TENM2: variants seen among roughly 807,000 people sequenced by gnomAD.
TENM2 encodes the protein teneurin transmembrane protein 2, also known as teneurin-2.
A neutral mutation model predicts 245.2 loss-of-function variants in TENM2; 52 were observed. That is an observed-to-expected ratio of 0.21 (90% CI 0.17 to 0.27). The LOEUF (loss-of-function observed/expected upper bound fraction) is 0.27. TENM2 is among the 10% of genes least tolerant of loss of function. TENM2 has a pLI of 1.00. For missense variants in TENM2, 3,046 were observed against 3,666.8 expected, an observed-to-expected ratio of 0.83 and a Z score of 4.37; for synonymous variants, 1,363 against 1,438.9, an observed-to-expected ratio of 0.95 and a Z score of 1.19.
chr5:168,236,961 T>C (rs1562318659), intron 25 of TENM2, among the ~76,000 whole-genome samples: 128 of 2,558 alleles, frequency 0.05, 3 homozygotes, highest in Non-Finnish European at 0.093. Flanking sequence ...TATATATATA[T>C]ATATATATAT....
chr5:166,996,913 C>G, the TENM2 span, among the ~76,000 whole-genome samples: 2,405 of 152,264 alleles, frequency 0.016, 61 homozygotes, highest in African/African-American at 0.051. Context: ...CTAACTGCCC[C>G]TTTCCCCTCT....
intron 7 of TENM2, among the ~76,000 whole-genome samples, chr5:168,081,863 A>G (rs1270436693): frequency 6.6e-6 from 1 of 151,782 alleles, no homozygotes; most frequent in Non-Finnish European, 1.5e-5. Context: ...TGCCCTTAAT[A>G]TTTTTTCTTT....
At chr5:167,462,562 A>G (rs28475114) in intron 2 of TENM2, among the ~76,000 whole-genome samples, 1 of 151,996 alleles carries the variant, frequency 6.6e-6, no homozygotes, top group Non-Finnish European at 1.5e-5. Context: ...CACGACTGGG[A>G]TGGATGGGGA....
At chr5:168,118,761 GCTCT>G (rs775678601) in intron 10 of TENM2, among the ~76,000 whole-genome samples, 124 of 151,964 alleles carry the variant, frequency 8.2e-4, no homozygotes, top group Non-Finnish European at 1.3e-3. Context: ...TCTTTAAATT[GCTCT>G]CTCTGCCTTT....
chr5:167,533,716 T>C (rs1441032750), intron 2 of TENM2, among the ~76,000 whole-genome samples: 1 of 152,136 alleles, frequency 6.6e-6, no homozygotes, highest in Admixed American at 6.6e-5. Flanking sequence ...CACTTCAGCC[T>C]CCCAAAGTGC....
At chr5:167,929,382 A>G (rs1287214138) in intron 3 of TENM2, among the ~76,000 whole-genome samples, 7 of 152,196 alleles carry the variant, frequency 4.6e-5, no homozygotes, top group Admixed American at 2.6e-4. Flanking sequence ...GCCCTAGTCT[A>G]GAAAATTCTG....
At chr5:167,404,428 C>T (rs1313490758) in intron 2 of TENM2, among the ~76,000 whole-genome samples, 1 of 152,082 alleles carries the variant, frequency 6.6e-6, no homozygotes, top group African/African-American at 2.4e-5. Flanking sequence ...ATATGATTGA[C>T]TATCACATGG....
intron 2 of TENM2, among the ~76,000 whole-genome samples, chr5:167,869,229 A>G (rs1007447533): frequency 2.0e-5 from 3 of 152,224 alleles, no homozygotes; most frequent in African/African-American, 7.2e-5. Flanking sequence ...TTTGTAAAAG[A>G]CAATTACGTA....
rs765775045 is a variant in TENM2, at chr5:168,125,055, G to A, written c.2209+5G>A. 5.6e-6 allele frequency: 9 copies of A among 1,602,340 alleles called. No homozygotes were observed. The highest frequency in any genetic ancestry group is 7.7e-6 in the Non-Finnish European group (9 of 1,174,960). On this transcript the variant is annotated splice_donor_5th_base_variant and intron_variant, in intron 11 of 28. Transcript: ENST00000518659. ...TGGGTCCCGACTGCTCTGTTGGTAA[G>A]CCACAAGGTTTTCTCCTTCCTCTCT...
In TENM2 at chr5:168,233,126, G is replaced by C. The variant is rs781574094; in HGVS notation, c.5520+4996G>C. 3.7e-4 allele frequency among the ~76,000 whole-genome samples: 56 copies of C among 152,188 alleles called. 1 individual carries two copies. The highest frequency in any genetic ancestry group is 1.3e-4 in the Non-Finnish European group (9 of 68,044). On this transcript the variant is annotated intron_variant, in intron 25 of 28. Transcript: ENST00000518659. ...GTGGATCACGAGGTCAGGAGATCAA[G>C]ACCCTCCTGAACAAAATGGTGAAAC...
chr5:167,284,068 A>G (rs1771199570), upstream of TENM2, among the ~76,000 whole-genome samples: 1 of 152,220 alleles, frequency 6.6e-6, no homozygotes, highest in Non-Finnish European at 1.5e-5. Flanking sequence ...GTCAGCAGTT[A>G]TCATGTTGGT....
intron 2 of TENM2, among the ~76,000 whole-genome samples, chr5:167,813,958 T>C (rs1450639664): frequency 1.3e-5 from 2 of 152,150 alleles, no homozygotes; most frequent in African/African-American, 2.4e-5. Context: ...GTGTTGAGGT[T>C]CATCTACAAT....
chr5:167,659,485 TACTC>T (rs1466937026), intron 2 of TENM2, among the ~76,000 whole-genome samples: 2 of 152,158 alleles, frequency 1.3e-5, no homozygotes, highest in Non-Finnish European at 2.9e-5. Flanking sequence ...GCAAATGAAA[TACTC>T]AGTACTTTCC....
chr5:167,398,377 C>CCTTCCTTT (rs1453039008), intron 2 of TENM2, among the ~76,000 whole-genome samples: 4 of 137,080 alleles, frequency 2.9e-5, no homozygotes, highest in South Asian at 2.4e-4. Context: ...TTTCTTTCTT[C>CCTTCCTTT]CTTTCTTTCT....
At chr5:167,949,659 A>G (rs1451466560) in intron 3 of TENM2, among the ~76,000 whole-genome samples, 1 of 152,182 alleles carries the variant, frequency 6.6e-6, no homozygotes, top group African/African-American at 2.4e-5. Context: ...GAATGAAAGA[A>G]ATGAGGTAGC....
the TENM2 span, among the ~76,000 whole-genome samples, chr5:167,255,610 G>C: frequency 6.6e-6 from 1 of 152,094 alleles, no homozygotes; most frequent in Non-Finnish European, 1.5e-5. Flanking sequence ...ATATGAAAAC[G>C]TAGATTTCGA....
At chr5:168,204,482 A>G (rs1762197311) in exon 19 of TENM2, 4 of 1,614,018 alleles carry the variant, frequency 2.5e-6, no homozygotes, top group Non-Finnish European at 3.4e-6. Context: ...TCCCAGCTGC[A>G]ACGGCCTTGC....
intron 2 of TENM2, among the ~76,000 whole-genome samples, chr5:167,640,156 T>C (rs1160932950): frequency 6.6e-6 from 1 of 152,174 alleles, no homozygotes; most frequent in Non-Finnish European, 1.5e-5. Context: ...TTTAAAGATT[T>C]TGAGAATCAA....
chr5:167,467,336 C>G (rs1461047625), intron 2 of TENM2, among the ~76,000 whole-genome samples: 1 of 152,066 alleles, frequency 6.6e-6, no homozygotes, highest in Non-Finnish European at 1.5e-5. Flanking sequence ...TGAAAGTTAC[C>G]TGAGGCCTCC....
Sources: allele counts gnomAD v4.1 joint callset (sites outside exome capture counted in the v4.1 genomes callset), GRCh38; gene constraint gnomAD v4.1.1; transcripts MANE v1.5; gene names NCBI Gene and HGNC (gene_info 2026-07-23, HGNC 2026-07-21).